DUSP15: variants seen among roughly 807,000 people sequenced by gnomAD.
The protein encoded by DUSP15 is dual specificity protein phosphatase 15.
A neutral mutation model predicts 26.3 loss-of-function variants in DUSP15; 23 were observed. The ratio of observed to expected loss-of-function variants is 0.87; its 90% CI spans 0.63 to 1.24. The LOEUF is 1.24. Among genes scored for constraint, DUSP15 ranks in the 50% most tolerant of loss-of-function variants. The pLI, the probability that DUSP15 is intolerant of heterozygous loss-of-function variation, is 0.00. For synonymous variants in DUSP15, 143 were observed against 135.5 expected, an observed-to-expected ratio of 1.06 and a Z score of -0.39; for missense variants, 364 against 320.6, an observed-to-expected ratio of 1.14 and a Z score of -1.03.
At position 31,870,310 on chromosome 20, in the gene DUSP15, C is replaced by T. The variant is rs993795397; in HGVS notation, c.21+7G>A. 17 of 1,252,052 alleles carry T rather than the reference C, an allele frequency of 1.4e-5. No homozygotes were observed. Among genetic ancestry groups the T allele is most frequent in the Non-Finnish European group, 1.6e-5 (16 of 999,150 alleles). The allele number at this position is 1,252,052 out of a possible 1,614,324, so 77.6% of individuals were successfully genotyped here. A position where few individuals can be genotyped will look rare whatever the true frequency, so the allele number is the denominator to read the frequency against. On this transcript the variant is annotated splice_region_variant and intron_variant, in intron 1 of 6. Coordinates refer to ENST00000339738, the MANE Select transcript of DUSP15 (RefSeq NM_080611.5). The surrounding 1 kb of genome is among the most constrained non-coding windows in gnomAD (Gnocchi z 6.6). ...ACCGGGGAGGCTGCGCGGGGCCCGC[C>T]CCCTACCTTGGTCATGCCATTGCCC... is the stretch of plus-strand genomic sequence containing the variant.
intron 4 of DUSP15, 76 bp downstream of exon 4, chr20:31,864,877 C>T (rs1214403908): frequency 4.6e-6 from 7 of 1,513,728 alleles, no homozygotes; most frequent in Admixed American, 1.7e-5. Flanking sequence ...CTTTGTCCTC[C>T]TTCAAACCCC....
chr20:31,870,303 G>T lies in DUSP15; in HGVS notation c.21+14C>A, dbSNP rs553211178. ...GGCGGGGACCGGGGAGGCTGCGCGG[G>T]GCCCGCCCCCTACCTTGGTCATGCC... On this transcript the variant is annotated intron_variant, in intron 1 of 6. Coordinates refer to ENST00000339738, the MANE Select transcript of DUSP15 (RefSeq NM_080611.5). The surrounding 1 kb of genome is among the most constrained non-coding windows in gnomAD (Gnocchi z 6.6). 2.0e-5 allele frequency: 25 copies of T among 1,240,844 alleles called. No individual in the cohort carries two copies. The East Asian group carries it at 7.5e-4, about 37-fold the overall frequency. The allele number at this position is 1,240,844 out of a possible 1,614,324, so 76.9% of individuals were successfully genotyped here. A position where few individuals can be genotyped will look rare whatever the true frequency, so the allele number is the denominator to read the frequency against.
chr20:31,868,476 CTTTTTTT>C (rs35862553), intron 2 of DUSP15, among the ~76,000 whole-genome samples: 60 of 97,328 alleles, frequency 6.2e-4, no homozygotes, highest in African/African-American at 1.9e-3. Flanking sequence ...TTTTCTTTCT[CTTTTTTT>C]TTTTTTTTTT....
chr20:31,858,479 T>C (rs1455342840), downstream of DUSP15, among the ~76,000 whole-genome samples: 1 of 152,208 alleles, frequency 6.6e-6, no homozygotes, highest in Non-Finnish European at 1.5e-5. The surrounding 1 kb of genome is among the most constrained non-coding windows in gnomAD (Gnocchi z 4.4). Flanking sequence ...CAGGTCTCAC[T>C]TTCTGTTTTG....
downstream of DUSP15, among the ~76,000 whole-genome samples, chr20:31,859,547 T>A (rs2062612015): frequency 6.6e-6 from 1 of 152,228 alleles, no homozygotes; most frequent in South Asian, 2.1e-4. Context: ...TTCCTGCTCC[T>A]CCTTTCCTCT....
chr20:31,857,703 A>G (rs2062584062), downstream of DUSP15, among the ~76,000 whole-genome samples: 1 of 152,140 alleles, frequency 6.6e-6, no homozygotes, highest in Non-Finnish European at 1.5e-5. Flanking sequence ...TTTACCTGGC[A>G]TGCTCCCACC....
downstream of DUSP15, among the ~76,000 whole-genome samples, chr20:31,858,096 T>A (rs1003541247): frequency 6.6e-6 from 1 of 152,186 alleles, no homozygotes; most frequent in Non-Finnish European, 1.5e-5. The surrounding 1 kb of genome is among the most constrained non-coding windows in gnomAD (Gnocchi z 4.4). Flanking sequence ...GCAACTTGTG[T>A]CCAGAGCCTG....
At chr20:31,863,075 T>TGGG (rs11467419) in intron 5 of DUSP15, among the ~76,000 whole-genome samples, 2 of 148,736 alleles carry the variant, frequency 1.3e-5, no homozygotes, top group Non-Finnish European at 3.0e-5. Flanking sequence ...ACAGTATGGC[T>TGGG]GGGGGGGGGG....
Position 31,870,223 on chromosome 20 carries a change from CAGA to C in DUSP15, c.21+91_21+93del, listed in dbSNP as rs2123329646. On this transcript the variant is annotated intron_variant, in intron 1 of 6. Transcript: ENST00000339738. This position sits in a 1 kb window ranked among gnomAD's most constrained non-coding sequence, Gnocchi z 6.6. ...GCCGCCGCACGGAGACCGGCGAGAA[CAGA>C]AGGTCAGAGGCGGGCGGACCGAGCT... The C allele has an allele frequency of 1.1e-5, 13 of 1,226,670 alleles. No homozygotes were observed. The highest frequency in any genetic ancestry group is 1.3e-5 in the Non-Finnish European group (13 of 984,412). The allele number at this position is 1,226,670 out of a possible 1,614,324, so 76.0% of individuals were successfully genotyped here.
intron 5 of DUSP15, among the ~76,000 whole-genome samples, chr20:31,863,383 G>A (rs1006500927): frequency 6.6e-6 from 1 of 152,182 alleles, no homozygotes; most frequent in African/African-American, 2.4e-5. Context: ...ATGAGGCTTG[G>A]GAAACCGGCC....
chr20:31,862,489 AATGTT>A, intron 6 of DUSP15, 77 bp downstream of exon 6: 1 of 1,481,708 alleles, frequency 6.7e-7, no homozygotes, highest in Non-Finnish European at 9.0e-7. Context: ...ACAGGCTAAA[AATGTT>A]CCAATCAGTG....
Position 31,870,188 on chromosome 20 carries a change from A to T in DUSP15, c.21+129T>A. On this transcript the variant is annotated intron_variant, in intron 1 of 6. Coordinates refer to ENST00000339738, the MANE Select transcript of DUSP15 (RefSeq NM_080611.5). The surrounding 1 kb of genome is among the most constrained non-coding windows in gnomAD (Gnocchi z 6.6). ...ACAGCCGCGGTCTCGAGTCACAGGG[A>T]CACGGAGATGCCGCCGCACGGAGAC... 3.0e-5 allele frequency: 37 copies of T among 1,225,618 alleles called. No individual in the cohort carries two copies. Among genetic ancestry groups the T allele is most frequent in the Non-Finnish European group, 3.7e-5 (36 of 983,630 alleles). The allele number at this position is 1,225,618 out of a possible 1,614,324, so 75.9% of individuals were successfully genotyped here. A position where few individuals can be genotyped will look rare whatever the true frequency, so the allele number is the denominator to read the frequency against.
exon 8 of DUSP15, chr20:31,849,801 A>T: frequency 6.5e-7 from 1 of 1,535,772 alleles, no homozygotes; most frequent in Non-Finnish European, 8.7e-7. Flanking sequence ...CTCAGACGAC[A>T]GCGCTGGGCT....
chr20:31,853,360 A>T (rs557425468), intron 6 of DUSP15, among the ~76,000 whole-genome samples: 74 of 152,232 alleles, frequency 4.9e-4, no homozygotes, highest in Middle Eastern at 3.4e-3. Context: ...TGAAATCCCT[A>T]CCTATTGTCA....
chr20:31,861,699 C>T (rs1350721718), intron 6 of DUSP15, 24 bp from the exon 7 acceptor site: 4 of 214,918 alleles, frequency 1.9e-5, no homozygotes, highest in South Asian at 2.6e-5. Flanking sequence ...GTGAGGTGGG[C>T]GGGGTCAAGG....
rs1464814800 is a variant in DUSP15 at position 31,862,654 on chromosome 20, T to C, written c.352A>G (p.Ile118Val). 1.9e-6 allele frequency: 3 copies of C among 1,614,024 alleles called. No individual in the cohort carries two copies. The highest frequency in any genetic ancestry group is 2.5e-6 in the Non-Finnish European group (3 of 1,180,034). ...TTGGCGATGGGCCTGGTGGCCTTGA[T>C]GGCTTCAAGCACGTCCCGCCAGCCT... ...GLGWRDVLEA[I>V]KATRPIANPN... Residue 118 changes from isoleucine to valine, a missense_variant, in exon 6 of 7, where the codon ATC (isoleucine) becomes GTC (valine). Ile to Val is a conservative substitution (Grantham distance 29). Transcript: ENST00000339738.
intron 6 of DUSP15, among the ~76,000 whole-genome samples, chr20:31,854,748 G>A (rs555862628): frequency 1.3e-5 from 2 of 152,134 alleles, no homozygotes; most frequent in African/African-American, 2.4e-5. Context: ...CCCTTGCTGG[G>A]TGTGTGTGTC....
chr20:31,863,738 A>G (rs2062708785), intron 5 of DUSP15, 169 bp downstream of exon 5: 1 of 627,012 alleles, frequency 1.6e-6, no homozygotes, highest in Non-Finnish European at 2.8e-6. Context: ...CTCATAAGGA[A>G]TAGAGTCCCG....
chr20:31,852,425 T>A (rs534348990), intron 6 of DUSP15, among the ~76,000 whole-genome samples: 1 of 152,288 alleles, frequency 6.6e-6, no homozygotes, highest in East Asian at 1.9e-4. Context: ...AGCAAAGAGA[T>A]CCTTGTTGCC....
Sources: gnomAD v4.1 joint callset for allele counts (sites outside exome capture counted in the v4.1 genomes callset) on GRCh38, gnomAD v4.1.1 for gene constraint, Gnocchi (gnomAD v3.1) non-coding constraint, MANE v1.5 for transcripts, NCBI Gene and HGNC (gene_info 2026-07-23, HGNC 2026-07-21) for gene names.